Variants in KIF26B observed in about 807,000 individuals in gnomAD.
KIF26B encodes the protein kinesin family member 26B.
KIF26B carries 63 observed loss-of-function variants against 151.2 expected under a neutral mutation model. The ratio of observed to expected loss-of-function variants is 0.42; its 90% confidence interval spans 0.34 to 0.51. The LOEUF (loss-of-function observed/expected upper bound fraction) is 0.51, where lower values mean the gene tolerates loss of function less well. KIF26B is among the 20% of genes least tolerant of loss of function. The pLI, the probability that KIF26B is intolerant of heterozygous loss-of-function variation, is 0.07. For missense variants in KIF26B, 2,813 were observed against 2,913.6 expected, an observed-to-expected ratio of 0.97 and a Z score of 0.79; for synonymous variants, 1,357 against 1,262.1, an observed-to-expected ratio of 1.08 and a Z score of -1.59.
At chr1:245,180,197 G>A (rs1329353295) in intron 2 of KIF26B, among the ~76,000 whole-genome samples, 1 of 152,118 alleles carries the variant, frequency 6.6e-6, no homozygotes, top group African/African-American at 2.4e-5. Context: ...ATGAAATATT[G>A]GAGGATGTCA....
chr1:245,321,844 T>A (rs1405325619), intron 2 of KIF26B, among the ~76,000 whole-genome samples: 1 of 152,182 alleles, frequency 6.6e-6, no homozygotes, highest in Non-Finnish European at 1.5e-5. Context: ...GTGATGGACT[T>A]GATTCCCATA....
At chr1:245,250,062 A>G (rs1670414155) in intron 2 of KIF26B, among the ~76,000 whole-genome samples, 1 of 152,236 alleles carries the variant, frequency 6.6e-6, no homozygotes, top group Non-Finnish European at 1.5e-5. Flanking sequence ...TGATCCGTGT[A>G]GCTTTCATGC....
At position 245,303,240 on chromosome 1, in the gene KIF26B, C is replaced by T. The variant is rs538460993; in HGVS notation, c.466-63594C>T. Among the ~76,000 whole-genome samples, 799 of 145,082 alleles carry T rather than the reference C, an allele frequency of 5.5e-3. 4 individuals are homozygous for T. Among genetic ancestry groups the T allele is most frequent in the African/African-American group, 0.02 (756 of 38,166 alleles). ...TTGCGACGGAGTCTCGCTTTGTCGC[C>T]CAGGCCGGAGTGCAGTGGCGCGATC... On this transcript the variant is annotated intron_variant, in intron 2 of 14. Coordinates refer to ENST00000407071, the MANE Select transcript of KIF26B (RefSeq NM_018012.4).
intron 10 of KIF26B, among the ~76,000 whole-genome samples, chr1:245,662,738 T>C (rs1207725082): frequency 5.3e-5 from 1 of 18,904 alleles, no homozygotes; most frequent in Non-Finnish European, 1.3e-4. Context: ...CCAATATGCA[T>C]ATATACCCAA....
rs747869981 is a variant in KIF26B, at chr1:245,156,566, C to T, written c.348C>T (p.Gly116=). ...CAGGCTCCCCGGGCTCCGGCAGCGG[C>T]GGCGGCTCCTCCCCCGGCTCGGACC... ...FGTGSPGSGS[G]GGSSPGSDRG... is the part of the protein sequence containing the mutation. Residue 116 remains glycine (G), a synonymous_variant, in exon 2 of 15, where the codon GGC becomes GGT. Transcript: ENST00000407071. 3.3e-6 allele frequency: 5 copies of T among 1,531,496 alleles called. No individual in the cohort carries two copies. Among genetic ancestry groups the T allele is most frequent in the Non-Finnish European group, 4.4e-6 (5 of 1,145,370 alleles). The allele number at this position is 1,531,496 out of a possible 1,614,324, so 94.9% of individuals were successfully genotyped here.
chr1:245,518,646 G>C (rs951796947), intron 4 of KIF26B, among the ~76,000 whole-genome samples: 4 of 152,082 alleles, frequency 2.6e-5, no homozygotes, highest in Non-Finnish European at 5.9e-5. Context: ...ACTTTATTAA[G>C]GTAAATTCCC....
chr1:245,655,639 C>T (rs570912690), intron 10 of KIF26B, among the ~76,000 whole-genome samples: 20 of 152,284 alleles, frequency 1.3e-4, no homozygotes, highest in East Asian at 3.9e-4. Context: ...GGTGGGGGTT[C>T]GATGCTGCTG....
intron 2 of KIF26B, among the ~76,000 whole-genome samples, chr1:245,240,947 C>T (rs1489866734): frequency 1.3e-5 from 2 of 152,192 alleles, no homozygotes; most frequent in African/African-American, 4.8e-5. Flanking sequence ...AGATAAAGGA[C>T]TCTGGCCCGG....
intron 2 of KIF26B, among the ~76,000 whole-genome samples, chr1:245,356,656 C>T (rs57797158): frequency 0.086 from 13,050 of 152,242 alleles, 1,612 homozygotes; most frequent in African/African-American, 0.27. Context: ...TTGATTGATT[C>T]GACACATGGC....
intron 4 of KIF26B, among the ~76,000 whole-genome samples, chr1:245,452,947 T>C (rs1350677590): frequency 1.3e-5 from 2 of 152,196 alleles, no homozygotes; most frequent in African/African-American, 4.8e-5. Flanking sequence ...TGAAGTCCAG[T>C]TTATCTTTTC....
rs1668686195 is a variant in KIF26B, at chr1:245,170,174, T to TG, written c.465+13492dup. Among the ~76,000 whole-genome samples, 1 of 152,138 alleles carries TG rather than the reference T, an allele frequency of 6.6e-6. No individual in the cohort carries two copies. The highest frequency in any genetic ancestry group is 2.4e-5 in the African/African-American group (1 of 41,422). ...TGATGCCTGGGTGAGTCCTGGAAAG[T>TG]GCCGTGATGCCATCCCACTGACATG... On this transcript the variant is annotated intron_variant, in intron 2 of 14. Coordinates refer to ENST00000407071, the MANE Select transcript of KIF26B (RefSeq NM_018012.4). This position sits in a 1 kb window ranked among gnomAD's most constrained non-coding sequence, Gnocchi z 4.4.
intron 2 of KIF26B, among the ~76,000 whole-genome samples, chr1:245,160,294 G>A (rs746582319): frequency 6.6e-6 from 1 of 152,112 alleles, no homozygotes; most frequent in African/African-American, 2.4e-5. Flanking sequence ...GGAAGTGGTC[G>A]GATAAAAGAA....
chr1:245,561,387 C>G (rs2042947756), intron 5 of KIF26B, among the ~76,000 whole-genome samples: 1 of 152,140 alleles, frequency 6.6e-6, no homozygotes, highest in African/African-American at 2.4e-5. Flanking sequence ...CGGCAGTCAT[C>G]TGCACACAAA....
chr1:245,406,849 G>A lies in KIF26B; in HGVS notation c.1000-12730G>A, dbSNP rs573146110. ...GTCACCCAGGCTGGAGTGTAGTGGT[G>A]CGATCTCGGCTCACTGCAGCTTCTG... On this transcript the variant is annotated intron_variant, in intron 3 of 14. Coordinates refer to ENST00000407071, the MANE Select transcript of KIF26B (RefSeq NM_018012.4). Among the ~76,000 whole-genome samples, 8 of 152,132 alleles carry A rather than the reference G, an allele frequency of 5.3e-5. No individual in the cohort carries two copies. The South Asian group carries it at 1.2e-3, about 24-fold the overall frequency.
intron 2 of KIF26B, among the ~76,000 whole-genome samples, chr1:245,256,646 C>A (rs1054088607): frequency 6.6e-6 from 1 of 152,180 alleles, no homozygotes; most frequent in Non-Finnish European, 1.5e-5. Context: ...CTAAAGTCAG[C>A]CTGAAATGCT....
rs367916574 is a variant in KIF26B, at chr1:245,498,380, C to T, written c.1167-42387C>T. 4.6e-5 allele frequency among the ~76,000 whole-genome samples: 7 copies of T among 152,206 alleles called. No individual in the cohort carries two copies. In the East Asian group the frequency reaches 5.8e-4, roughly 13 times the overall value. Reference sequence around the variant, plus strand: ...GCTAGTGGAATGTTATCATTGACTCCGCCAGCAAACATCTTCACTGGAGAG... The same window carrying T: ...GCTAGTGGAATGTTATCATTGACTCTGCCAGCAAACATCTTCACTGGAGAG... On this transcript the variant is annotated intron_variant, in intron 4 of 14. Transcript: ENST00000407071.
intron 2 of KIF26B, among the ~76,000 whole-genome samples, chr1:245,349,240 TTTGA>T (rs1281687826): frequency 6.6e-6 from 1 of 152,194 alleles, no homozygotes; most frequent in Non-Finnish European, 1.5e-5. Context: ...AGTAAATTTC[TTTGA>T]TTGTAAATAG....
intron 2 of KIF26B, among the ~76,000 whole-genome samples, chr1:245,295,151 A>T (rs1671316206): frequency 6.6e-6 from 1 of 152,210 alleles, no homozygotes; most frequent in African/African-American, 2.4e-5. Context: ...AAAACCTGTT[A>T]TTTGGGATGG....
chr1:245,216,096 G>GGAATAATAATAGGAA (rs1166414968), intron 2 of KIF26B: 6 of 151,550 alleles, frequency 4.0e-5, no homozygotes, highest in Non-Finnish European at 5.9e-5. Flanking sequence ...AAATAAATAA[G>GGAATAATAATAGGAA]TAATAGGAAT....
Sources: gnomAD v4.1 joint callset for allele counts (sites outside exome capture counted in the v4.1 genomes callset) on GRCh38, gnomAD v4.1.1 for gene constraint, Gnocchi (gnomAD v3.1) non-coding constraint, MANE v1.5 for transcripts, NCBI Gene and HGNC (gene_info 2026-07-23, HGNC 2026-07-21) for gene names.